The following DNAH10 variants were observed in gnomAD, a reference collection of about 807,000 sequenced individuals.
The protein encoded by DNAH10 is axonemal beta dynein heavy chain 10.
DNAH10 carries 348 observed loss-of-function variants against 506.6 expected under a neutral mutation model. The ratio of observed to expected loss-of-function variants is 0.69; its 90% confidence interval spans 0.63 to 0.75. DNAH10 has a LOEUF of 0.75. Among genes scored for constraint, DNAH10 ranks in the 30% least tolerant of loss-of-function variants. The pLI, the probability that DNAH10 is intolerant of heterozygous loss-of-function variation, is 0.00. For synonymous variants in DNAH10, 2,059 were observed against 2,198.6 expected (o/e 0.94, Z 1.78); for missense variants, 5,179 against 5,787.1 (o/e 0.89, Z 3.41).
intron 77 of DNAH10, 174 bp from the exon 78 acceptor site, chr12:123,934,447 C>T (rs775052322): frequency 6.1e-6 from 5 of 820,770 alleles, no homozygotes; most frequent in African/African-American, 3.4e-5. Context: ...TGCTCCTCCA[C>T]AGAGGGAAGG....
rs1200998888 is a variant in DNAH10 at position 123,850,957 on chromosome 12, G to T, written c.6172G>T (p.Gly2058Cys). Residue 2058 changes from glycine to cysteine, a missense_variant, in exon 35 of 79, where the codon GGC (glycine) becomes TGC (cysteine). Gly to Cys is a radical substitution (Grantham distance 159, BLOSUM62 -3). Coordinates refer to ENST00000673944, the MANE Select transcript of DNAH10 (RefSeq NM_001372106.1). This position sits in a 1 kb window ranked among gnomAD's most constrained non-coding sequence, Gnocchi z 5.5. ...CATCACCATGAACCCCGGCTACGCA[G>T]GCCGCACGGAGCTGCCCGAGTCGGT... Reference protein sequence around the residue: ...IFITMNPGYAGRTELPESVKA... With the variant: ...IFITMNPGYACRTELPESVKA... The T allele has an allele frequency of 1.2e-6, 2 of 1,614,046 alleles. No homozygotes were observed. Among genetic ancestry groups the T allele is most frequent in the Non-Finnish European group, 1.7e-6 (2 of 1,179,960 alleles).
chr12:123,869,448 C>G (rs1361758708), intron 43 of DNAH10, among the ~76,000 whole-genome samples: 3 of 152,170 alleles, frequency 2.0e-5, no homozygotes, highest in African/African-American at 7.2e-5. Flanking sequence ...AGACAGATGT[C>G]TCCATAAATC....
At chr12:123,803,885 CAT>C in intron 17 of DNAH10, 60 bp downstream of exon 17, 3 of 1,500,876 alleles carry the variant, frequency 2.0e-6, no homozygotes, top group Non-Finnish European at 2.7e-6. Context: ...ATTGTATATA[CAT>C]ACATGTGTAT....
Position 123,833,101 on chromosome 12 carries a change from T to G in DNAH10, c.4546-13T>G. 1 of 1,584,566 alleles carries G rather than the reference T, an allele frequency of 6.3e-7. No homozygotes were observed. Among genetic ancestry groups the G allele is most frequent in the East Asian group, 2.3e-5 (1 of 44,258 alleles). On this transcript the variant is annotated splice_polypyrimidine_tract_variant and intron_variant, in intron 26 of 78. Coordinates refer to ENST00000673944, the MANE Select transcript of DNAH10 (RefSeq NM_001372106.1). ...TCGTGTGCCTGAATCATTCTTTTTC[T>G]ATTCCTGAACAGGCTGTGAAGGAAA...
In DNAH10 at chr12:123,907,424, C is replaced by T. The variant is rs1953834321; in HGVS notation, c.9816-1837C>T. On this transcript the variant is annotated intron_variant, in intron 57 of 78. Transcript: ENST00000673944. The surrounding 1 kb of genome is among the most constrained non-coding windows in gnomAD (Gnocchi z 4.4). ...GATAGAAGAAAGGAATCAAATTAAACAGACATCTCCCTTTCTCTTGACTTG... is the reference window on the plus strand; with the variant it reads ...GATAGAAGAAAGGAATCAAATTAAATAGACATCTCCCTTTCTCTTGACTTG... Among the ~76,000 whole-genome samples, 2 of 152,202 alleles carry T rather than the reference C, an allele frequency of 1.3e-5. No individual in the cohort carries two copies. Among genetic ancestry groups the T allele is most frequent in the Non-Finnish European group, 2.9e-5 (2 of 68,038 alleles).
At chr12:123,799,191 G>GACGTATC in intron 13 of DNAH10, 55 bp from the exon 14 acceptor site, 2 of 1,502,208 alleles carry the variant, frequency 1.3e-6, no homozygotes, top group South Asian at 1.2e-5. Context: ...TGTAGAGCGA[G>GACGTATC]ATGAAAAATG....
Position 123,928,718 on chromosome 12 carries a change from T to G in DNAH10, c.12306+131T>G. 1 of 1,089,702 alleles carries G rather than the reference T, an allele frequency of 9.2e-7. No homozygotes were observed. Among genetic ancestry groups the G allele is most frequent in the Non-Finnish European group, 1.3e-6 (1 of 779,444 alleles). The allele number at this position is 1,089,702 out of a possible 1,614,324, so 67.5% of individuals were successfully genotyped here. The stretch of plus-strand genomic sequence containing the variant: ...TAGGCTGCAGGTGAAACCTTGCGGT[T>G]GAAACCCTTCTCAATCCCACCTCTC... On this transcript the variant is annotated intron_variant, in intron 70 of 78. Transcript: ENST00000673944. This position sits in a 1 kb window ranked among gnomAD's most constrained non-coding sequence, Gnocchi z 4.9.
Position 123,917,520 on chromosome 12 carries a change from G to A in DNAH10, c.11003-64G>A. The A allele has an allele frequency of 2.0e-6, 3 of 1,487,200 alleles. No individual in the cohort carries two copies. The highest frequency in any genetic ancestry group is 1.2e-5 in the South Asian group (1 of 81,398). 92.1% of individuals were successfully genotyped at this position (1,487,200 alleles called of 1,614,324 possible). A position where few individuals can be genotyped will look rare whatever the true frequency, so the allele number is the denominator to read the frequency against. On this transcript the variant is annotated intron_variant, in intron 63 of 78. Transcript: ENST00000673944. The surrounding 1 kb of genome is among the most constrained non-coding windows in gnomAD (Gnocchi z 5.6). Reference sequence around the variant, plus strand: ...GCGCTAAGCTTGTCCCGTCACAGCAGGGCAGCGGGAGAGACTGTTGTTGGG... The same window carrying A: ...GCGCTAAGCTTGTCCCGTCACAGCAAGGCAGCGGGAGAGACTGTTGTTGGG...
Position 123,846,073 on chromosome 12 carries a change from C to G in DNAH10, c.5733C>G (p.Gly1911=). The change falls in exon 32 of 79, where the codon GGC becomes GGG. Residue 1911 remains glycine, a synonymous_variant. Transcript: ENST00000673944. This position sits in a 1 kb window ranked among gnomAD's most constrained non-coding sequence, Gnocchi z 4.5. ...LNIRQCTGTF[G]YGYEYMGLNG... is the part of the protein sequence containing the mutation. The stretch of plus-strand genomic sequence containing the variant: ...TCCGCCAGTGCACGGGAACCTTTGG[C>G]TACGGCTACGAGTACATGGGCCTGA... 6.2e-7 allele frequency: 1 copy of G among 1,613,994 alleles called. No individual in the cohort carries two copies. Among genetic ancestry groups the G allele is most frequent in the Non-Finnish European group, 8.5e-7 (1 of 1,179,898 alleles).
Position 123,846,303 on chromosome 12 carries a change from C to T in DNAH10, c.5814+149C>T, listed in dbSNP as rs746546125. 38 of 1,110,346 alleles carry T rather than the reference C, an allele frequency of 3.4e-5. No individual in the cohort carries two copies. Among genetic ancestry groups the T allele is most frequent in the Non-Finnish European group, 4.7e-5 (38 of 804,428 alleles). 68.8% of individuals were successfully genotyped at this position (1,110,346 alleles called of 1,614,324 possible). On this transcript the variant is annotated intron_variant, in intron 32 of 78. Coordinates refer to ENST00000673944, the MANE Select transcript of DNAH10 (RefSeq NM_001372106.1). This position sits in a 1 kb window ranked among gnomAD's most constrained non-coding sequence, Gnocchi z 4.5. ...AAAGCTTTTCCATTTGGGATGTGAC[C>T]AGATTGTCACCATTTGGGATTGGCA...
chr12:123,935,115 T>C (rs754243981), intron 78 of DNAH10: 18 of 609,216 alleles, frequency 3.0e-5, no homozygotes, highest in Non-Finnish European at 4.6e-5. Flanking sequence ...TGTCTTCTGC[T>C]CTGCCTGGGC....
chr12:123,880,990 T>G (rs1257635098), intron 50 of DNAH10, among the ~76,000 whole-genome samples: 2 of 152,114 alleles, frequency 1.3e-5, no homozygotes, highest in Admixed American at 1.3e-4. Flanking sequence ...TCATCCTTTT[T>G]AATGGATGCA....
rs761695918 is a variant in DNAH10 at position 123,848,843 on chromosome 12, G to A, written c.6063G>A (p.Thr2021=). ...VLSVISSQIQ[T]IRNALIHQLT... is the part of the protein sequence containing the mutation. Reference sequence around the variant, plus strand: ...CCGTGATCTCCTCCCAGATCCAGACGATCCGAAATGCTCTGATCCATCAGT... The same window carrying A: ...CCGTGATCTCCTCCCAGATCCAGACAATCCGAAATGCTCTGATCCATCAGT... The change falls in exon 34 of 79, where the codon ACG becomes ACA. Residue 2021 remains threonine (T), a synonymous_variant. Transcript: ENST00000673944. 9 of 1,613,822 alleles carry A rather than the reference G, an allele frequency of 5.6e-6. No homozygotes were observed. Among genetic ancestry groups the A allele is most frequent in the South Asian group, 2.2e-5 (2 of 91,050 alleles).
chr12:123,836,734 A>T (rs996643344), intron 28 of DNAH10, among the ~76,000 whole-genome samples: 1 of 152,196 alleles, frequency 6.6e-6, no homozygotes, highest in Non-Finnish European at 1.5e-5. Flanking sequence ...TGTACAACAC[A>T]TATCAGGCTG....
intron 30 of DNAH10, among the ~76,000 whole-genome samples, chr12:123,844,015 G>A (rs974541473): frequency 6.6e-6 from 1 of 152,212 alleles, no homozygotes; most frequent in African/African-American, 2.4e-5. Context: ...TCAAGACTGG[G>A]TAATTTATAA....
chr12:123,825,427 A>G (rs1959871387), intron 24 of DNAH10, among the ~76,000 whole-genome samples: 1 of 152,216 alleles, frequency 6.6e-6, no homozygotes, highest in Non-Finnish European at 1.5e-5. Context: ...TGGCTCATCC[A>G]CACCACGGAA....
rs1215473662 is a variant in DNAH10, at chr12:123,902,427, G to A, written c.9641-512G>A. ...GTGAGGGCACCCAGGCAGTGAATCA[G>A]CCAGTGGTGAAATGAAACTTCCGAT... On this transcript the variant is annotated intron_variant, in intron 56 of 78. Coordinates refer to ENST00000673944, the MANE Select transcript of DNAH10 (RefSeq NM_001372106.1). This position sits in a 1 kb window ranked among gnomAD's most constrained non-coding sequence, Gnocchi z 4.5. Among the ~76,000 whole-genome samples, 1 of 152,198 alleles carries A rather than the reference G, an allele frequency of 6.6e-6. No individual in the cohort carries two copies. The highest frequency in any genetic ancestry group is 1.5e-5 in the Non-Finnish European group (1 of 68,046).
Position 123,919,488 on chromosome 12 carries a change from T to C in DNAH10, c.11506+539T>C, listed in dbSNP as rs1238769478. Among the ~76,000 whole-genome samples the C allele has an allele frequency of 1.3e-5, 2 of 152,242 alleles. No homozygotes were observed. The highest frequency in any genetic ancestry group is 2.9e-5 in the Non-Finnish European group (2 of 68,040). On this transcript the variant is annotated intron_variant, in intron 65 of 78. Transcript: ENST00000673944. The surrounding 1 kb of genome is among the most constrained non-coding windows in gnomAD (Gnocchi z 4.9). ...CAATTTACATACCATAAATTCGTCC[T>C]TTAAAAATATACCATTCGGTGGTGA...
chr12:123,766,163 ATCTC>A (rs1226862032), intron 1 of DNAH10, among the ~76,000 whole-genome samples: 33 of 151,812 alleles, frequency 2.2e-4, no homozygotes, highest in African/African-American at 4.4e-4. Context: ...CTATACATCT[ATCTC>A]TCTCTATCTA....
Sources: allele counts gnomAD v4.1 joint callset (sites outside exome capture counted in the v4.1 genomes callset), GRCh38; gene constraint gnomAD v4.1.1; non-coding constraint Gnocchi (gnomAD v3.1); transcripts MANE v1.5; gene names NCBI Gene and HGNC (gene_info 2026-07-23, HGNC 2026-07-21).